The following NPAS3 variants were observed in gnomAD, a reference collection of about 807,000 sequenced individuals.
The protein encoded by NPAS3 is neuronal PAS domain protein 3, also known as neuronal PAS domain-containing protein 3.
NPAS3 carries 14 observed loss-of-function variants against 73.1 expected under a neutral mutation model. The ratio of observed to expected loss-of-function variants is 0.19; its 90% confidence interval spans 0.13 to 0.30. The LOEUF is 0.30. Ranked by LOEUF, NPAS3 falls within the 10% of genes least tolerant of loss-of-function variation. The probability of loss-of-function intolerance (pLI) is 1.00; values close to 1 mark genes in which losing one functional copy is unlikely to be tolerated. For synonymous variants in NPAS3, 620 were observed against 541.5 expected, an observed-to-expected ratio of 1.14 and a Z score of -2.01; for missense variants, 1,096 against 1,250.0, an observed-to-expected ratio of 0.88 and a Z score of 1.86.
chr14:33,440,398 G>A lies in NPAS3; in HGVS notation c.468+73130G>A, dbSNP rs190329891. Among the ~76,000 whole-genome samples the A allele has an allele frequency of 5.3e-5, 8 of 152,282 alleles. No individual in the cohort carries two copies. The East Asian group carries it at 5.8e-4, about 11-fold the overall frequency. ...CCAATTCACTGCAACCCTGTCCCCC[G>A]ACCAAGGGTGCTGACTACTTTCGTT... On this transcript the variant is annotated intron_variant, in intron 4 of 11. Transcript: ENST00000356141.
chr14:33,745,231 A>G (rs2061758823), intron 7 of NPAS3, among the ~76,000 whole-genome samples: 1 of 152,230 alleles, frequency 6.6e-6, no homozygotes, highest in South Asian at 2.1e-4. Flanking sequence ...CCTAGGTGAC[A>G]GAGCCAGACC....
At chr14:33,319,820 T>C (rs1043423016) in intron 3 of NPAS3, among the ~76,000 whole-genome samples, 4 of 152,152 alleles carry the variant, frequency 2.6e-5, no homozygotes, top group African/African-American at 4.8e-5. Context: ...CATTGACTTA[T>C]CAGTTTTTTG....
At chr14:33,095,201 T>C (rs1392666945) in intron 2 of NPAS3, among the ~76,000 whole-genome samples, 1 of 152,210 alleles carries the variant, frequency 6.6e-6, no homozygotes, top group Non-Finnish European at 1.5e-5. Context: ...CTTTACCTTT[T>C]GTGGTTGAAA....
At chr14:33,441,695 C>T (rs542125554) in intron 4 of NPAS3, among the ~76,000 whole-genome samples, 12 of 152,078 alleles carry the variant, frequency 7.9e-5, no homozygotes, top group East Asian at 1.9e-4. Context: ...AAGACATATC[C>T]GAGACTGGAT....
At position 33,644,827 on chromosome 14, in the gene NPAS3, A is replaced by G. The variant is rs562186799; in HGVS notation, c.559-31384A>G. ...GCCGGATGTGGTGGCTCATGCCTGT[A>G]ATCCCAGCACTTTGAGAGGCAGAGG... On this transcript the variant is annotated intron_variant, in intron 5 of 11. Coordinates refer to ENST00000356141, the Ensembl canonical transcript of NPAS3. Among the ~76,000 whole-genome samples the G allele has an allele frequency of 9.8e-5, 15 of 152,346 alleles. No individual in the cohort carries two copies. In the South Asian group the frequency reaches 3.1e-3, roughly 32 times the overall value.
chr14:33,051,296 A>AAAAAAAAAAAAAAAAAAAAG (rs771840433), intron 1 of NPAS3, among the ~76,000 whole-genome samples: 9 of 142,524 alleles, frequency 6.3e-5, no homozygotes, highest in African/African-American at 2.5e-4. Context: ...AAAAAAAAAA[A>AAAAAAAAAAAAAAAAAAAAG]AGAGAGACTA....
At chr14:33,425,179 A>G (rs2048505870) in intron 4 of NPAS3, among the ~76,000 whole-genome samples, 1 of 152,062 alleles carries the variant, frequency 6.6e-6, no homozygotes, top group Non-Finnish European at 1.5e-5. Context: ...GACCATGGTG[A>G]AAACATTTTT....
intron 2 of NPAS3, among the ~76,000 whole-genome samples, chr14:33,146,130 T>A (rs533863410): frequency 6.6e-6 from 1 of 152,306 alleles, no homozygotes; most frequent in East Asian, 1.9e-4. Flanking sequence ...TAAGGGAAGA[T>A]GGGAAATTTC....
intron 1 of NPAS3, among the ~76,000 whole-genome samples, chr14:32,978,251 G>C (rs115407897): frequency 6.6e-6 from 1 of 152,160 alleles, no homozygotes; most frequent in Admixed American, 6.5e-5. Context: ...TGTGACTGGA[G>C]GGTTGGCTCA....
At chr14:33,525,587 C>T (rs1348551185) in intron 4 of NPAS3, among the ~76,000 whole-genome samples, 1 of 152,022 alleles carries the variant, frequency 6.6e-6, no homozygotes, top group South Asian at 2.1e-4. Context: ...TGAATTTTTT[C>T]CTATATGCTG....
At chr14:33,203,000 T>A (rs1266899624) in intron 2 of NPAS3, among the ~76,000 whole-genome samples, 1 of 152,250 alleles carries the variant, frequency 6.6e-6, no homozygotes, top group African/African-American at 2.4e-5. Context: ...CTGTTCCCAT[T>A]ATGTGAAGAC....
intron 6 of NPAS3, among the ~76,000 whole-genome samples, chr14:33,679,177 A>G (rs1307993445): frequency 6.6e-6 from 1 of 152,202 alleles, no homozygotes; most frequent in Non-Finnish European, 1.5e-5. Flanking sequence ...GCATAAGAAG[A>G]GGCCCTCTTC....
chr14:33,139,284 C>T (rs2043955943), intron 2 of NPAS3, among the ~76,000 whole-genome samples: 1 of 152,220 alleles, frequency 6.6e-6, no homozygotes, highest in South Asian at 2.1e-4. Context: ...CAGCTAGCAT[C>T]TATGTGCACA....
intron 1 of NPAS3, among the ~76,000 whole-genome samples, chr14:33,030,279 A>G (rs557433383): frequency 1.3e-5 from 2 of 152,294 alleles, no homozygotes; most frequent in East Asian, 3.9e-4. Flanking sequence ...AAACTCAGTG[A>G]TTGCCGAAAT....
At chr14:33,338,528 G>A (rs543688141) in intron 3 of NPAS3, among the ~76,000 whole-genome samples, 6 of 152,240 alleles carry the variant, frequency 3.9e-5, no homozygotes, top group African/African-American at 9.6e-5. Context: ...AGAAATGAAA[G>A]GCATATTGGC....
intron 2 of NPAS3, among the ~76,000 whole-genome samples, chr14:33,067,115 C>A (rs1021787164): frequency 2.0e-5 from 3 of 152,150 alleles, no homozygotes; most frequent in Non-Finnish European, 4.4e-5. Flanking sequence ...TATTGGAGAC[C>A]CTCTCCGGTC....
At chr14:33,655,034 G>A (rs2059104457) in intron 5 of NPAS3, among the ~76,000 whole-genome samples, 1 of 152,158 alleles carries the variant, frequency 6.6e-6, no homozygotes, top group African/African-American at 2.4e-5. Context: ...CACCCTGCAA[G>A]GTGGATGTAA....
Position 33,308,527 on chromosome 14 carries a change from T to TACACACACACACAC in NPAS3, c.386-58656_386-58655insCACACACACACACA, listed in dbSNP as rs1555371843. Reference sequence around the variant, plus strand: ...TGCATAGTTTATATATATATATATATACATACACACACACACACACACACA... The same window carrying TACACACACACACAC: ...TGCATAGTTTATATATATATATATATACACACACACACACACATACACACACACACACACACACA... On this transcript the variant is annotated intron_variant, in intron 3 of 11. Transcript: ENST00000356141. Among the ~76,000 whole-genome samples the TACACACACACACAC allele has an allele frequency of 1.3e-3, 131 of 103,720 alleles. 2 individuals carry two copies. The highest frequency in any genetic ancestry group is 5.6e-3 in the African/African-American group (121 of 21,590). The allele number at this position is 103,720 out of a possible 152,430, so 68.0% of individuals were successfully genotyped here.
intron 4 of NPAS3, among the ~76,000 whole-genome samples, chr14:33,393,662 G>A (rs962585862): frequency 7.9e-5 from 12 of 152,106 alleles, no homozygotes; most frequent in Admixed American, 2.0e-4. Context: ...GTTATAAATG[G>A]CAAAAGAAGG....
Sources: gnomAD v4.1 joint callset for allele counts (sites outside exome capture counted in the v4.1 genomes callset) on GRCh38, gnomAD v4.1.1 for gene constraint, MANE v1.5 for transcripts, NCBI Gene and HGNC (gene_info 2026-07-23, HGNC 2026-07-21) for gene names.